SLC44A3: variants seen among roughly 807,000 people sequenced by gnomAD.
SLC44A3 encodes solute carrier family 44 member 3, also known as choline transporter-like protein 3.
Under a neutral mutation model 75.4 loss-of-function variants are expected in SLC44A3, and 74 were observed. The observed-to-expected ratio is 0.98, with a 90% confidence interval of 0.81 to 1.19. The LOEUF is 1.19. Among genes scored for constraint, SLC44A3 ranks in the 50% most tolerant of loss-of-function variants. The pLI is 0.00. For synonymous variants in SLC44A3, 310 were observed against 296.9 expected, an observed-to-expected ratio of 1.04 and a Z score of -0.45; for missense variants, 700 against 778.6, an observed-to-expected ratio of 0.90 and a Z score of 1.20.
At chr1:94,850,706 A>G (rs1204264796) in intron 9 of SLC44A3, among the ~76,000 whole-genome samples, 1 of 152,200 alleles carries the variant, frequency 6.6e-6, no homozygotes, top group Admixed American at 6.5e-5. Flanking sequence ...GGATGTTAGG[A>G]GGCTGAGATG....
intron 12 of SLC44A3, among the ~76,000 whole-genome samples, chr1:94,878,945 A>G (rs1342456195): frequency 6.6e-6 from 1 of 152,196 alleles, no homozygotes; most frequent in African/African-American, 2.4e-5. Context: ...TAAAGACCTA[A>G]AAGACCTAAA....
rs200690456 is a variant in SLC44A3, at chr1:94,820,962, G to C, written c.41G>C (p.Gly14Ala). 1,478 of 1,551,000 alleles carry C rather than the reference G, an allele frequency of 9.5e-4. 3 individuals carry two copies. The highest frequency in any genetic ancestry group is 1.2e-3 in the Non-Finnish European group (1,379 of 1,146,538). ...TTTTTCTGGAAGGTTTCTGCAGAAG[G>C]AGCCCCTAGGCAAAGGGAGTGGCGA... ...LGAEYLVSAE[G>A]APRQREWRPQ... Residue 14 changes from glycine (G) to alanine (A), a missense_variant, in exon 2 of 15, where the codon GGA (glycine) becomes GCA (alanine). Transcript: ENST00000271227.
At chr1:94,842,194 T>C in intron 8 of SLC44A3, 70 bp downstream of exon 8, 1 of 1,492,284 alleles carries the variant, frequency 6.7e-7, no homozygotes, top group South Asian at 1.4e-5. Context: ...CATTGAATTC[T>C]AGCCAAAAAC....
chr1:94,868,801 C>T (rs187190800), intron 12 of SLC44A3, among the ~76,000 whole-genome samples: 26 of 152,360 alleles, frequency 1.7e-4, no homozygotes, highest in African/African-American at 6.0e-4. Flanking sequence ...CTACAAGGCC[C>T]GAGGGTTGAC....
intron 12 of SLC44A3, among the ~76,000 whole-genome samples, chr1:94,874,565 A>G (rs1007306409): frequency 1.3e-4 from 20 of 152,220 alleles, no homozygotes; most frequent in South Asian, 4.1e-4. Context: ...GGAAAGTTAT[A>G]TAAGGGCACT....
At chr1:94,824,447 C>G (rs6687749) in intron 2 of SLC44A3, 46 bp from the exon 3 acceptor site, 6 of 1,540,052 alleles carry the variant, frequency 3.9e-6, no homozygotes, top group South Asian at 1.3e-5. Context: ...GGGCACTGTG[C>G]GCTCAGCCCT....
At chr1:94,851,252 A>G (rs1222051893) in intron 9 of SLC44A3, among the ~76,000 whole-genome samples, 2 of 152,006 alleles carry the variant, frequency 1.3e-5, no homozygotes, top group Non-Finnish European at 2.9e-5. Context: ...TTTTCCTTGC[A>G]TATTTTATAT....
chr1:94,863,687 C>G (rs1223145089), intron 10 of SLC44A3, among the ~76,000 whole-genome samples: 1 of 152,200 alleles, frequency 6.6e-6, no homozygotes, highest in East Asian at 1.9e-4. Context: ...TTGAAACACA[C>G]ATCCTTTTTT....
rs1353737389 is a variant in SLC44A3, at chr1:94,867,401, T to G, written c.1466T>G (p.Leu489Arg). The G allele has an allele frequency of 6.2e-7, 1 of 1,606,506 alleles. No homozygotes were observed. Among genetic ancestry groups the G allele is most frequent in the East Asian group, 2.2e-5 (1 of 44,508 alleles). The change falls in exon 12 of 15, where the codon CTG becomes CGG. Residue 489 changes from leucine (L) to arginine (R), a missense_variant. Coordinates refer to ENST00000271227, the MANE Select transcript of SLC44A3 (RefSeq NM_001114106.3). ...YCCFWCLDKY[L>R]LHLNQNAYTT... ...TGTTTCTGGTGTCTTGACAAATACC[T>G]GCTCCATCTCAACCAGGTACGTCTC...
At chr1:94,836,913 C>CAAAAAAA (rs56149444) in intron 5 of SLC44A3, 22 of 124,302 alleles carry the variant, frequency 1.8e-4, no homozygotes, top group African/African-American at 6.4e-4. Context: ...CCTGTCTCAA[C>CAAAAAAA]AAAAAAAAAA....
chr1:94,837,204 G>A (rs748247155), intron 5 of SLC44A3, among the ~76,000 whole-genome samples: 10 of 152,094 alleles, frequency 6.6e-5, no homozygotes, highest in Non-Finnish European at 1.2e-4. Context: ...GCTGGTCAAA[G>A]GATACAAGTT....
chr1:94,846,287 G>C (rs1056081642), intron 9 of SLC44A3, among the ~76,000 whole-genome samples: 10 of 152,054 alleles, frequency 6.6e-5, no homozygotes, highest in Admixed American at 2.0e-4. Context: ...TTCTTCACCA[G>C]GGCTATTTCT....
intron 14 of SLC44A3, among the ~76,000 whole-genome samples, chr1:94,894,517 C>A (rs923865923): frequency 6.6e-6 from 1 of 152,214 alleles, no homozygotes; most frequent in Non-Finnish European, 1.5e-5. Flanking sequence ...ACTTTGTTCC[C>A]AGCCACTAAG....
intron 5 of SLC44A3, among the ~76,000 whole-genome samples, chr1:94,835,726 T>C (rs998949777): frequency 4.6e-5 from 7 of 152,220 alleles, no homozygotes; most frequent in Non-Finnish European, 8.8e-5. Context: ...GTAGAATTTT[T>C]ATTATCTTTG....
intron 10 of SLC44A3, among the ~76,000 whole-genome samples, chr1:94,861,654 A>T (rs1032812503): frequency 1.3e-5 from 2 of 152,228 alleles, no homozygotes; most frequent in African/African-American, 4.8e-5. Context: ...TTCAAAGTTC[A>T]CAATTCTTCG....
intron 12 of SLC44A3, among the ~76,000 whole-genome samples, chr1:94,872,533 C>T (rs1667878069): frequency 6.6e-6 from 1 of 152,114 alleles, no homozygotes. Context: ...CTGAGAACCA[C>T]CATATCTATA....
intron 9 of SLC44A3, among the ~76,000 whole-genome samples, chr1:94,854,946 G>T (rs1157592877): frequency 2.6e-5 from 4 of 151,970 alleles, no homozygotes; most frequent in Non-Finnish European, 5.9e-5. Context: ...CTGCCCTAAA[G>T]GAAAGTCCTA....
At chr1:94,848,160 CG>C (rs1384029988) in intron 9 of SLC44A3, among the ~76,000 whole-genome samples, 1 of 149,326 alleles carries the variant, frequency 6.7e-6, no homozygotes, top group Non-Finnish European at 1.5e-5. Flanking sequence ...ACCCGGGAGG[CG>C]GAGGGTGCAG....
At position 94,877,624 on chromosome 1, in the gene SLC44A3, G is replaced by A. The variant is rs1291957489; in HGVS notation, c.1482+10207G>A. 5.3e-5 allele frequency among the ~76,000 whole-genome samples: 8 copies of A among 152,270 alleles called. No individual in the cohort carries two copies. The East Asian group carries it at 1.4e-3, about 26-fold the overall frequency. On this transcript the variant is annotated intron_variant, in intron 12 of 14. Coordinates refer to ENST00000271227, the MANE Select transcript of SLC44A3 (RefSeq NM_001114106.3). Reference sequence around the variant, plus strand: ...AGAAACAAGTTTGTGAAAAGTAGAAGAGGAAGCGGCTAAGAGAATTTTGCT... The same window carrying A: ...AGAAACAAGTTTGTGAAAAGTAGAAAAGGAAGCGGCTAAGAGAATTTTGCT...
Sources: gnomAD v4.1 joint callset for allele counts (sites outside exome capture counted in the v4.1 genomes callset) on GRCh38, gnomAD v4.1.1 for gene constraint, MANE v1.5 for transcripts, NCBI Gene and HGNC (gene_info 2026-07-23, HGNC 2026-07-21) for gene names.